RYR3: variants seen among roughly 807,000 people sequenced by gnomAD.
The protein encoded by RYR3 is ryanodine receptor 3, also known as brain ryanodine receptor-calcium release channel.
RYR3 carries 207 observed loss-of-function variants against 584.3 expected under a neutral mutation model. The ratio of observed to expected loss-of-function variants is 0.35; its 90% CI spans 0.32 to 0.40. The LOEUF is 0.40. Among genes scored for constraint, RYR3 ranks in the 10% least tolerant of loss-of-function variants. The pLI is 1.00. For synonymous variants in RYR3, 2,416 were observed against 2,248.5 expected (o/e 1.07, Z -2.11); for missense variants, 5,616 against 6,089.2 (o/e 0.92, Z 2.59).
At chr15:33,821,205 C>A (rs1259912379) in intron 78 of RYR3, 65 bp from the exon 79 acceptor site, 3 of 1,312,890 alleles carry the variant, frequency 2.3e-6, no homozygotes, top group Non-Finnish European at 3.2e-6. Flanking sequence ...TCTCACCTCA[C>A]TATGGGTGAA....
At chr15:33,603,776 A>G (rs2059783576) in intron 18 of RYR3, among the ~76,000 whole-genome samples, 1 of 152,218 alleles carries the variant, frequency 6.6e-6, no homozygotes, top group South Asian at 2.1e-4. Flanking sequence ...AAGCATAAAG[A>G]TGGTTCAGTA....
chr15:33,376,665 G>A (rs1354407883), intron 1 of RYR3, among the ~76,000 whole-genome samples: 1 of 152,188 alleles, frequency 6.6e-6, no homozygotes, highest in South Asian at 2.1e-4. Flanking sequence ...CTGAAGTGGG[G>A]AACCCGGGTA....
At chr15:33,706,888 C>A in intron 42 of RYR3, 31 bp from the exon 43 acceptor site, 3 of 1,565,538 alleles carry the variant, frequency 1.9e-6, no homozygotes, top group Non-Finnish European at 2.6e-6. Context: ...CTAATGCGTG[C>A]GAAAGAACAC....
At chr15:33,730,151 G>T (rs1314876950) in intron 47 of RYR3, among the ~76,000 whole-genome samples, 1 of 89,680 alleles carries the variant, frequency 1.1e-5, no homozygotes, top group Non-Finnish European at 2.5e-5. Context: ...CAATGCTTCT[G>T]CCACTGCTGT....
At chr15:33,829,271 C>G (rs2077538437) in intron 85 of RYR3, among the ~76,000 whole-genome samples, 1 of 152,040 alleles carries the variant, frequency 6.6e-6, no homozygotes, top group Non-Finnish European at 1.5e-5. Context: ...TTTTTTCATG[C>G]CTGCTAATAC....
chr15:33,486,996 A>C (rs559563188), intron 2 of RYR3, among the ~76,000 whole-genome samples: 7 of 152,160 alleles, frequency 4.6e-5, no homozygotes, highest in African/African-American at 1.7e-4. Context: ...CCAGGAGTTC[A>C]AGACCACCCT....
chr15:33,776,195 G>A (rs931554307), intron 64 of RYR3, among the ~76,000 whole-genome samples: 3 of 152,156 alleles, frequency 2.0e-5, no homozygotes, highest in Non-Finnish European at 4.4e-5. Context: ...AAGACACCTT[G>A]GTGATAGGGT....
intron 19 of RYR3, among the ~76,000 whole-genome samples, chr15:33,619,309 C>T (rs1301654256): frequency 6.6e-6 from 1 of 152,078 alleles, no homozygotes; most frequent in African/African-American, 2.4e-5. Context: ...GTAATGAAAT[C>T]AGTTCTTCAA....
intron 23 of RYR3, 48 bp from the exon 24 acceptor site, chr15:33,632,901 A>C (rs759312752): frequency 1.3e-6 from 2 of 1,535,896 alleles, no homozygotes; most frequent in Non-Finnish European, 8.9e-7. Context: ...CGGAATGAGA[A>C]ACTCATGGAG....
At position 33,731,499 on chromosome 15, in the gene RYR3, C is replaced by G; in HGVS notation, c.7229C>G (p.Ala2410Gly). The change falls in exon 48 of 104, where the codon GCG (alanine) becomes GGG (glycine). Residue 2410 changes from alanine to glycine, a missense_variant. By Grantham distance (60) the Ala-to-Gly change is moderately conservative. This residue lies in a region of RYR3 where 1,280 missense variants were observed against 1,426.2 expected (regional missense o/e 0.90). Transcript: ENST00000634891. ...GTTTCCCTAAGCACCACAGAGGCTG[C>G]GCTTGCACTAAATAGGTATATATGT... Reference protein sequence around the residue: ...DTVSLSTTEAALALNRYICSA... With the variant: ...DTVSLSTTEAGLALNRYICSA... 2 of 1,612,686 alleles carry G rather than the reference C, an allele frequency of 1.2e-6. No individual in the cohort carries two copies. The highest frequency in any genetic ancestry group is 1.7e-6 in the Non-Finnish European group (2 of 1,179,264).
intron 69 of RYR3, among the ~76,000 whole-genome samples, chr15:33,806,375 C>T (rs182222014): frequency 6.6e-6 from 1 of 152,084 alleles, no homozygotes; most frequent in Non-Finnish European, 1.5e-5. Context: ...GAAAATAAAA[C>T]ATGGGCCAGT....
intron 28 of RYR3, 61 bp from the exon 29 acceptor site, chr15:33,646,290 A>G (rs2062097311): frequency 9.8e-6 from 14 of 1,431,240 alleles, no homozygotes; most frequent in Admixed American, 6.4e-5. Flanking sequence ...CGAGGGAAAA[A>G]GGGACTGGGT....
At chr15:33,461,488 T>C (rs990369936) in intron 1 of RYR3, among the ~76,000 whole-genome samples, 2 of 152,206 alleles carry the variant, frequency 1.3e-5, no homozygotes, top group African/African-American at 4.8e-5. Flanking sequence ...TAATCTGTTA[T>C]TTCTCCTAAC....
At chr15:33,848,149 T>G in intron 93 of RYR3, 142 bp from the exon 94 acceptor site, 3 of 1,007,908 alleles carry the variant, frequency 3.0e-6, no homozygotes, top group Non-Finnish European at 3.0e-6. Context: ...TTGGCTTTGA[T>G]CCCACAACTA....
In RYR3 at chr15:33,785,986, C is replaced by A; in HGVS notation, c.9589+4C>A. ...TCCTGGATGAAGCGCATTGCAGGTA[C>A]CGACCCCTTTCTCCCCAGTCCCCAG... On this transcript the variant is annotated splice_donor_region_variant and intron_variant, in intron 66 of 103. Transcript: ENST00000634891. 1 of 1,548,410 alleles carries A rather than the reference C, an allele frequency of 6.5e-7. No homozygotes were observed. The highest frequency in any genetic ancestry group is 1.2e-5 in the South Asian group (1 of 80,424).
rs1434345563 is a variant in RYR3, at chr15:33,728,890, A to G, written c.7067A>G (p.Asn2356Ser). 1.2e-5 allele frequency: 20 copies of G among 1,612,900 alleles called. No individual in the cohort carries two copies. The highest frequency in any genetic ancestry group is 1.7e-5 in the Non-Finnish European group (20 of 1,179,610). ...GTCAGTGAGCCAGATATGGCGGCCA[A>G]TTTCTGCCCTGACCACAAGGCACCT... ...GSVSEPDMAA[N>S]FCPDHKAPMV... Residue 2356 changes from asparagine (N) to serine (S), a missense_variant, in exon 47 of 104, where the codon AAT (asparagine) becomes AGT (serine). By Grantham distance (46) the Asn-to-Ser change is conservative (BLOSUM62 1). This residue lies in a region of RYR3 where 1,280 missense variants were observed against 1,426.2 expected (regional missense o/e 0.90). Transcript: ENST00000634891.
intron 96 of RYR3, among the ~76,000 whole-genome samples, chr15:33,854,051 C>G (rs915809634): frequency 9.9e-5 from 15 of 151,982 alleles, no homozygotes; most frequent in Admixed American, 9.8e-4. Context: ...TAAAAAGTAG[C>G]TAGGCGTGGT....
At chr15:33,766,334 G>A (rs16957971) in intron 60 of RYR3, among the ~76,000 whole-genome samples, 9,989 of 150,992 alleles carry the variant, frequency 0.066, 1,069 homozygotes, top group African/African-American at 0.23. Context: ...CTGTATCCAC[G>A]TGAAGTATGA....
At chr15:33,725,355 A>C (rs1396694863) in intron 45 of RYR3, among the ~76,000 whole-genome samples, 1 of 152,140 alleles carries the variant, frequency 6.6e-6, no homozygotes, top group African/African-American at 2.4e-5. Context: ...CCCTGGTGGC[A>C]CCAAGCATCG....
Sources: allele counts gnomAD v4.1 joint callset (sites outside exome capture counted in the v4.1 genomes callset), GRCh38; gene constraint gnomAD v4.1.1; regional missense constraint gnomAD v4.1.1; transcripts MANE v1.5; gene names NCBI Gene and HGNC (gene_info 2026-07-23, HGNC 2026-07-21).